Variants in C3orf70 observed in about 807,000 individuals in gnomAD.
C3orf70 encodes the protein chromosome 3 open reading frame 70.
In C3orf70, 15 loss-of-function variants were observed where a neutral mutation model predicts 20.7. The ratio of observed to expected loss-of-function variants is 0.72; its 90% CI spans 0.48 to 1.11. C3orf70 has a LOEUF of 1.11. Ranked by LOEUF, C3orf70 falls within the 50% of genes most tolerant of loss-of-function variation. The pLI, the probability that C3orf70 is intolerant of heterozygous loss-of-function variation, is 0.00. For synonymous variants in C3orf70, 161 were observed against 125.7 expected (o/e 1.28, Z -1.88); for missense variants, 332 against 317.6 (o/e 1.05, Z -0.34).
intron 1 of C3orf70, among the ~76,000 whole-genome samples, chr3:185,138,982 G>C (rs990250256): frequency 1.3e-5 from 2 of 152,084 alleles, no homozygotes; most frequent in African/African-American, 4.8e-5. Flanking sequence ...TACACCTGTA[G>C]TTCCAGCTAC....
intron 1 of C3orf70, among the ~76,000 whole-genome samples, chr3:185,115,125 A>G (rs1315285131): frequency 1.4e-5 from 2 of 148,060 alleles, no homozygotes; most frequent in African/African-American, 5.0e-5. Flanking sequence ...TTTATTTTAC[A>G]CGGTCTGGGA....
intron 1 of C3orf70, among the ~76,000 whole-genome samples, chr3:185,119,916 C>T (rs768571887): frequency 2.0e-5 from 3 of 149,434 alleles, no homozygotes; most frequent in South Asian, 4.2e-4. Flanking sequence ...TCCAGCTACT[C>T]GAGGTTGAGG....
chr3:185,113,942 G>C (rs1467948302), intron 1 of C3orf70, among the ~76,000 whole-genome samples: 1 of 152,208 alleles, frequency 6.6e-6, no homozygotes, highest in Non-Finnish European at 1.5e-5. Flanking sequence ...GCTCACGCCT[G>C]TAAACCTAGC....
intron 1 of C3orf70, among the ~76,000 whole-genome samples, chr3:185,104,564 T>G (rs375283801): frequency 6.6e-6 from 1 of 152,044 alleles, no homozygotes; most frequent in Non-Finnish European, 1.5e-5. Flanking sequence ...AGCAACAACA[T>G]GGAATCAACC....
intron 1 of C3orf70, among the ~76,000 whole-genome samples, chr3:185,127,052 C>T (rs1297860341): frequency 6.6e-6 from 1 of 152,184 alleles, no homozygotes; most frequent in African/African-American, 2.4e-5. Context: ...TTGATATTCC[C>T]CAATTCCCTT....
At chr3:185,139,102 A>C (rs947012366) in intron 1 of C3orf70, among the ~76,000 whole-genome samples, 2 of 145,498 alleles carry the variant, frequency 1.4e-5, no homozygotes, top group Non-Finnish European at 3.1e-5. Flanking sequence ...CCTGTCTCAA[A>C]AAAGGAGAGG....
In C3orf70 at chr3:185,152,697, T is replaced by TA. The variant is rs1717017894; in HGVS notation, c.126dup (p.Ile43TyrfsTer41). 6.3e-7 allele frequency: 1 copy of TA among 1,594,324 alleles called. No homozygotes were observed. Among genetic ancestry groups the TA allele is most frequent in the Non-Finnish European group, 8.5e-7 (1 of 1,170,914 alleles). ...TTGCCATGGCTGTGCGTGGCACAGA[T>TA]AGACAGCCCGTCGCACGGCTGGAAG... is the stretch of plus-strand genomic sequence containing the variant. On this transcript the variant is annotated frameshift_variant, in exon 1 of 2. Transcript: ENST00000335012. LOFTEE classifies it high-confidence loss of function.
chr3:185,083,522 G>GAA lies in C3orf70; in HGVS notation c.236_237dup (p.Pro80PhefsTer28). 6.2e-7 allele frequency: 1 copy of GAA among 1,612,306 alleles called. No individual in the cohort carries two copies. Among genetic ancestry groups the GAA allele is most frequent in the Non-Finnish European group, 8.5e-7 (1 of 1,179,498 alleles). ...GGCCTGGCAGGAATCTCAGTGCTTGGAAGCTGTTCCACAGGGGTCATAGGC... is the reference window on the plus strand; with the variant it reads ...GGCCTGGCAGGAATCTCAGTGCTTGGAAAAGCTGTTCCACAGGGGTCATAGGC... On this transcript the variant is annotated frameshift_variant, in exon 2 of 2. Transcript: ENST00000335012. LOFTEE classifies it high-confidence loss of function.
intron 1 of C3orf70, among the ~76,000 whole-genome samples, chr3:185,105,764 G>A (rs1335688952): frequency 6.6e-6 from 1 of 152,196 alleles, no homozygotes; most frequent in Non-Finnish European, 1.5e-5. Flanking sequence ...TCGCTGGAGC[G>A]ATGGTTGGAG....
chr3:185,136,169 C>A (rs1465263796), intron 1 of C3orf70, among the ~76,000 whole-genome samples: 1 of 152,090 alleles, frequency 6.6e-6, no homozygotes, highest in African/African-American at 2.4e-5. Flanking sequence ...ATATTAATAT[C>A]AACTAAAGTC....
intron 1 of C3orf70, among the ~76,000 whole-genome samples, chr3:185,120,034 A>G (rs1469900736): frequency 5.7e-5 from 1 of 17,470 alleles, no homozygotes; most frequent in Non-Finnish European, 1.4e-4. Flanking sequence ...AAAAAAAAAA[A>G]AAAAGAAAAA....
At chr3:185,148,851 G>C (rs916366393) in intron 1 of C3orf70, among the ~76,000 whole-genome samples, 1 of 152,154 alleles carries the variant, frequency 6.6e-6, no homozygotes, top group Non-Finnish European at 1.5e-5. Context: ...ACCAAGCACT[G>C]AATCTGTGAA....
At chr3:185,151,919 T>G (rs1289894041) in intron 1 of C3orf70, among the ~76,000 whole-genome samples, 1 of 152,256 alleles carries the variant, frequency 6.6e-6, no homozygotes, top group Non-Finnish European at 1.5e-5. Flanking sequence ...AGAAAGGGTT[T>G]AGACCATTTG....
chr3:185,082,935 A>C lies in C3orf70; in HGVS notation c.*72T>G. 9 of 1,471,650 alleles carry C rather than the reference A, an allele frequency of 6.1e-6. No individual in the cohort carries two copies. Among genetic ancestry groups the C allele is most frequent in the Non-Finnish European group, 8.3e-6 (9 of 1,081,962 alleles). The allele number at this position is 1,471,650 out of a possible 1,614,324, so 91.2% of individuals were successfully genotyped here. On this transcript the variant is annotated 3_prime_UTR_variant, in exon 2 of 2. Coordinates refer to ENST00000335012, the MANE Select transcript of C3orf70 (RefSeq NM_001025266.3). ...GGGTAGAAAATATCAACAGCATTGG[A>C]AAAAAGGATCCACCAGACAAAGGTA...
intron 1 of C3orf70, among the ~76,000 whole-genome samples, chr3:185,136,909 A>AAACAAC (rs146226983): frequency 6.0e-5 from 9 of 149,780 alleles, no homozygotes; most frequent in East Asian, 6.0e-4. Flanking sequence ...GACTGTCTCA[A>AAACAAC]AACAACAACA....
chr3:185,120,215 A>T (rs1330207066), intron 1 of C3orf70, among the ~76,000 whole-genome samples: 1 of 152,142 alleles, frequency 6.6e-6, no homozygotes, highest in African/African-American at 2.4e-5. Context: ...TGTAAGTCCT[A>T]GAAAGAAGCA....
intron 1 of C3orf70, among the ~76,000 whole-genome samples, chr3:185,132,053 T>C (rs568170985): frequency 3.0e-4 from 45 of 152,316 alleles, no homozygotes; most frequent in African/African-American, 1.0e-3. Flanking sequence ...GGTCCAGGTA[T>C]GTCAAGCTAT....
chr3:185,098,728 A>C (rs1400938986), intron 1 of C3orf70, among the ~76,000 whole-genome samples: 1 of 152,204 alleles, frequency 6.6e-6, no homozygotes, highest in East Asian at 1.9e-4. Context: ...GTCAACTTTG[A>C]GGGTGCTTTG....
intron 1 of C3orf70, among the ~76,000 whole-genome samples, chr3:185,092,178 G>A (rs939308557): frequency 2.6e-5 from 4 of 151,804 alleles, no homozygotes; most frequent in African/African-American, 9.7e-5. Flanking sequence ...TACTTCAGAA[G>A]GTGGTTGAAT....
Sources: gnomAD v4.1 joint callset for allele counts (sites outside exome capture counted in the v4.1 genomes callset) on GRCh38, gnomAD v4.1.1 for gene constraint, MANE v1.5 for transcripts, NCBI Gene and HGNC (gene_info 2026-07-23, HGNC 2026-07-21) for gene names.